GPBP1: variants seen among roughly 807,000 people sequenced by gnomAD.
The protein encoded by GPBP1 is vasculin.
GPBP1 carries 13 observed loss-of-function variants against 56.5 expected under a neutral mutation model. The ratio of observed to expected loss-of-function variants is 0.23; its 90% CI spans 0.15 to 0.37. The LOEUF is 0.37. Among genes scored for constraint, GPBP1 ranks in the 10% least tolerant of loss-of-function variants. The pLI is 1.00. For missense variants in GPBP1, 477 were observed against 572.3 expected (o/e 0.83, Z 1.70); for synonymous variants, 204 against 188.9 (o/e 1.08, Z -0.66).
chr5:57,249,521 A>C lies in GPBP1; in HGVS notation c.917A>C (p.Lys306Thr). ...AAGAGTGAATTTTTGAAAGCATTGA[A>C]AAGAGACAGAGTAGAAGAGGAACAT... is the stretch of plus-strand genomic sequence containing the variant. ...DKKSEFLKAL[K>T]RDRVEEEHED... is the part of the protein sequence containing the mutation. Residue 306 changes from lysine (K) to threonine (T), a missense_variant, in exon 9 of 12, where the codon AAA becomes ACA. Lys to Thr is a moderately conservative substitution (Grantham distance 78, BLOSUM62 -1). Coordinates refer to ENST00000506184, the MANE Select transcript of GPBP1 (RefSeq NM_022913.4). 1 of 1,613,480 alleles carries C rather than the reference A, an allele frequency of 6.2e-7. No homozygotes were observed. Among genetic ancestry groups the C allele is most frequent in the Non-Finnish European group, 8.5e-7 (1 of 1,179,784 alleles).
chr5:57,229,802 G>A (rs1487118407), intron 3 of GPBP1, among the ~76,000 whole-genome samples: 1 of 152,094 alleles, frequency 6.6e-6, no homozygotes, highest in African/African-American at 2.4e-5. Flanking sequence ...GTACCCCAAA[G>A]TGCTGGGATT....
chr5:57,260,290 G>A (rs1282500367), intron 10 of GPBP1, among the ~76,000 whole-genome samples: 1 of 152,082 alleles, frequency 6.6e-6, no homozygotes, highest in Non-Finnish European at 1.5e-5. Flanking sequence ...CTGCTTCTGT[G>A]AGGGCTTCAT....
chr5:57,179,311 A>G (rs568416551), intron 2 of GPBP1, among the ~76,000 whole-genome samples: 1 of 152,338 alleles, frequency 6.6e-6, no homozygotes, highest in Non-Finnish European at 1.5e-5. Flanking sequence ...TGCTATTTGC[A>G]GTAACTATTT....
rs559047865 is a variant in GPBP1, at chr5:57,261,978, C to G, written c.1264-616C>G. 2.0e-5 allele frequency among the ~76,000 whole-genome samples: 3 copies of G among 152,262 alleles called. No individual in the cohort carries two copies. The South Asian group carries it at 6.2e-4, about 32-fold the overall frequency. ...CTCACTGCATCCCCAAATTTCTGGG[C>G]TCAAGCAATACTCTTGCCTCAGCTT... On this transcript the variant is annotated intron_variant, in intron 11 of 11. Coordinates refer to ENST00000506184, the MANE Select transcript of GPBP1 (RefSeq NM_022913.4).
rs544263946 is a variant in GPBP1 at position 57,196,583 on chromosome 5, CTATT to C, written c.-57-17473_-57-17470del. ...AGGATTTAAATAAAATTGTCATCATCTATTTATTTATTTATTTATTTTTGGAGAC... is the reference window on the plus strand; with the variant it reads ...AGGATTTAAATAAAATTGTCATCATCTATTTATTTATTTATTTTTGGAGAC... On this transcript the variant is annotated intron_variant, in intron 2 of 11. Transcript: ENST00000506184. Among the ~76,000 whole-genome samples the C allele has an allele frequency of 2.6e-4, 39 of 152,098 alleles. No homozygotes were observed. The South Asian group carries it at 5.2e-3, about 20-fold the overall frequency.
At chr5:57,231,038 G>T (rs957836914) in intron 4 of GPBP1, 60 bp from the exon 5 acceptor site, 3 of 1,582,432 alleles carry the variant, frequency 1.9e-6, no homozygotes, top group Middle Eastern at 1.7e-4. Context: ...GTTTTGATGT[G>T]ATTCAATCTT....
chr5:57,208,005 G>A (rs951673846), intron 2 of GPBP1, among the ~76,000 whole-genome samples: 4 of 152,100 alleles, frequency 2.6e-5, no homozygotes, highest in African/African-American at 9.7e-5. Context: ...CACACGATGG[G>A]GGTGTGACTG....
At chr5:57,257,875 AGTTT>A (rs964371374) in intron 10 of GPBP1, among the ~76,000 whole-genome samples, 199 of 152,322 alleles carry the variant, frequency 1.3e-3, no homozygotes, top group African/African-American at 4.5e-3. Flanking sequence ...GTATATACCT[AGTTT>A]GTTTTAAGGG....
intron 3 of GPBP1, among the ~76,000 whole-genome samples, chr5:57,229,134 G>A (rs540339397): frequency 1.3e-4 from 19 of 150,370 alleles, no homozygotes; most frequent in African/African-American, 4.7e-4. Flanking sequence ...ACGAGGCTGA[G>A]GCAGGAGAAT....
At chr5:57,237,200 TG>T in intron 6 of GPBP1, 2 of 1,402,950 alleles carry the variant, frequency 1.4e-6, no homozygotes, top group Non-Finnish European at 2.0e-6. Flanking sequence ...TCAGTTTTTC[TG>T]GGAACAACTG....
chr5:57,190,910 G>A (rs1040099172), intron 2 of GPBP1, among the ~76,000 whole-genome samples: 1 of 151,684 alleles, frequency 6.6e-6, no homozygotes, highest in Non-Finnish European at 1.5e-5. Flanking sequence ...GTTTTGCCAT[G>A]TTGCCTAGAA....
In GPBP1 at chr5:57,175,848, A is replaced by G. The variant is rs746200484; in HGVS notation, c.-610A>G. 4.8e-5 allele frequency: 19 copies of G among 397,196 alleles called. No individual in the cohort carries two copies. The South Asian group carries it at 2.2e-3, about 47-fold the overall frequency. The allele number at this position is 397,196 out of a possible 1,614,324, so 24.6% of individuals were successfully genotyped here. On this transcript the variant is annotated 5_prime_UTR_variant, in exon 2 of 12. Coordinates refer to ENST00000506184, the MANE Select transcript of GPBP1 (RefSeq NM_022913.4). ...TGAAGTTTCATGGCAGTTTATTTTT[A>G]CCTTTATTGAAAGTTTTAGGAATTT...
intron 6 of GPBP1, among the ~76,000 whole-genome samples, chr5:57,245,189 T>G (rs933220805): frequency 6.6e-6 from 1 of 152,210 alleles, no homozygotes; most frequent in Non-Finnish European, 1.5e-5. Flanking sequence ...TCAGGAAGTT[T>G]CAATCTTTAC....
Position 57,223,531 on chromosome 5 carries a change from C to G in GPBP1, c.64-7315C>G, listed in dbSNP as rs541850721. Among the ~76,000 whole-genome samples, 526 of 152,146 alleles carry G rather than the reference C, an allele frequency of 3.5e-3. 4 individuals carry two copies. Among genetic ancestry groups the G allele is most frequent in the Non-Finnish European group, 5.9e-3 (402 of 68,012 alleles). ...ATATTCAATATAATCAATGGACATTCCATGCTCTCTACCATCCACAGACAT... is the reference window on the plus strand; with the variant it reads ...ATATTCAATATAATCAATGGACATTGCATGCTCTCTACCATCCACAGACAT... On this transcript the variant is annotated intron_variant, in intron 3 of 11. Transcript: ENST00000506184.
rs184479899 is a variant in GPBP1 at position 57,221,287 on chromosome 5, C to T, written c.63+7094C>T. 1.3e-4 allele frequency: 106 copies of T among 787,050 alleles called. No homozygotes were observed. The African/African-American group carries it at 1.5e-3, about 12-fold the overall frequency. 48.8% of individuals were successfully genotyped at this position (787,050 alleles called of 1,614,324 possible). A position where few individuals can be genotyped will look rare whatever the true frequency, so the allele number is the denominator to read the frequency against. On this transcript the variant is annotated intron_variant, in intron 3 of 11. Transcript: ENST00000506184. ...TGTAACAAATTTTATATACCTGTGG[C>T]GCACTAGTTTTTTCTTTTGTGATTT...
chr5:57,201,212 C>G (rs978236090), intron 2 of GPBP1, among the ~76,000 whole-genome samples: 23 of 152,144 alleles, frequency 1.5e-4, no homozygotes, highest in African/African-American at 5.6e-4. Context: ...GGGCCTTGCT[C>G]TGTTGCCCAG....
At chr5:57,230,555 AAAC>A (rs1249236443) in intron 3 of GPBP1, 12 of 336,056 alleles carry the variant, frequency 3.6e-5, no homozygotes, top group Non-Finnish European at 6.1e-5. Flanking sequence ...TTTTGTTGAG[AAAC>A]ATCGTATTTT....
intron 3 of GPBP1, among the ~76,000 whole-genome samples, chr5:57,225,774 C>T (rs1580040438): frequency 6.6e-6 from 1 of 152,296 alleles, no homozygotes; most frequent in Admixed American, 6.5e-5. Context: ...TGACACACTG[C>T]TAGATTTGTC....
chr5:57,201,647 A>G (rs903549701), intron 2 of GPBP1, among the ~76,000 whole-genome samples: 7 of 152,166 alleles, frequency 4.6e-5, no homozygotes, highest in African/African-American at 1.7e-4. Context: ...TCTTGCTGTA[A>G]GGTTATTTTA....
Sources: gnomAD v4.1 joint callset for allele counts (sites outside exome capture counted in the v4.1 genomes callset) on GRCh38, gnomAD v4.1.1 for gene constraint, MANE v1.5 for transcripts, NCBI Gene and HGNC (gene_info 2026-07-23, HGNC 2026-07-21) for gene names.